Variants in THBS3 observed in about 807,000 individuals in gnomAD.
THBS3 encodes thrombospondin-3.
THBS3 carries 78 observed loss-of-function variants against 118.3 expected under a neutral mutation model. The ratio of observed to expected loss-of-function variants is 0.66; its 90% confidence interval spans 0.55 to 0.80. THBS3 has a LOEUF of 0.80. THBS3 is among the 30% of genes least tolerant of loss of function. The pLI is 0.00. For missense variants in THBS3, 1,057 were observed against 1,247.4 expected (o/e 0.85, Z 2.30); for synonymous variants, 427 against 475.3 (o/e 0.90, Z 1.32).
At chr1:155,199,962 C>T (rs1325246316) in intron 15 of THBS3, 33 bp downstream of exon 15, 3 of 1,605,434 alleles carry the variant, frequency 1.9e-6, no homozygotes, top group Non-Finnish European at 2.6e-6. Flanking sequence ...TCAGTACCCT[C>T]ATCCCTCCCC....
Position 155,203,109 on chromosome 1 carries a change from G to C in THBS3, c.785C>G (p.Thr262Ser). ...QVKEMSLIRN[T>S]IMECQVCGFH... Reference sequence around the variant, plus strand: ...ACCGCACACCTGACACTCCATAATGGTGTTTCGGATCAGGGACATTTCCTT... The same window carrying C: ...ACCGCACACCTGACACTCCATAATGCTGTTTCGGATCAGGGACATTTCCTT... The change falls in exon 7 of 23, where the codon ACC becomes AGC. Residue 262 changes from threonine (T) to serine (S), a missense_variant. Thr to Ser is a moderately conservative substitution (Grantham distance 58, BLOSUM62 1). Transcript: ENST00000368378. 1 of 1,614,228 alleles carries C rather than the reference G, an allele frequency of 6.2e-7. No individual in the cohort carries two copies. Among genetic ancestry groups the C allele is most frequent in the Non-Finnish European group, 8.5e-7 (1 of 1,180,038 alleles).
intron 1 of THBS3, among the ~76,000 whole-genome samples, chr1:155,207,243 G>A (rs1166100083): frequency 6.6e-6 from 1 of 152,222 alleles, no homozygotes; most frequent in African/African-American, 2.4e-5. Context: ...CCACGGGAAT[G>A]TAGGACCCAG....
intron 11 of THBS3, 60 bp downstream of exon 11, chr1:155,201,357 A>G (rs1669691545): frequency 6.4e-7 from 1 of 1,567,798 alleles, no homozygotes; most frequent in Non-Finnish European, 8.6e-7. Context: ...GGCCCTAAAC[A>G]TAGCCCTACT....
At position 155,206,188 on chromosome 1, in the gene THBS3, C is replaced by A. The variant is rs1256308946; in HGVS notation, c.286+12G>T. The A allele has an allele frequency of 6.2e-7, 1 of 1,613,042 alleles. No individual in the cohort carries two copies. Among genetic ancestry groups the A allele is most frequent in the Admixed American group, 1.7e-5 (1 of 60,006 alleles). On this transcript the variant is annotated intron_variant, in intron 2 of 22. Transcript: ENST00000368378. This position sits in a 1 kb window ranked among gnomAD's most constrained non-coding sequence, Gnocchi z 4.2. ...GGTCACCATTGCAAGAAAGGAGATG[C>A]CCACCAGTCACCTTTGTTGATCTTG...
chr1:155,200,814 GC>G, intron 13 of THBS3, 82 bp downstream of exon 13: 1 of 1,610,322 alleles, frequency 6.2e-7, no homozygotes, highest in Non-Finnish European at 8.5e-7. Context: ...TTACTAGAGA[GC>G]TGCCAGATGA....
intron 18 of THBS3, 27 bp downstream of exon 18, chr1:155,198,015 C>A (rs1399915956): frequency 1.2e-6 from 2 of 1,614,156 alleles, no homozygotes; most frequent in African/African-American, 1.3e-5. Flanking sequence ...TCTGATAGCA[C>A]CTGCCCAGCC....
Position 155,201,583 on chromosome 1 carries a change from G to C in THBS3, c.1177-14C>G, listed in dbSNP as rs1415358905. The C allele has an allele frequency of 1.2e-6, 2 of 1,611,768 alleles. No homozygotes were observed. The highest frequency in any genetic ancestry group is 1.7e-4 in the Middle Eastern group (1 of 6,058). ...CTTGAAAGAGCCCTAAGAGTGGAGAGGCAGCATCTTAGGAAGGAGGGTGAG... is the reference window on the plus strand; with the variant it reads ...CTTGAAAGAGCCCTAAGAGTGGAGACGCAGCATCTTAGGAAGGAGGGTGAG... On this transcript the variant is annotated splice_polypyrimidine_tract_variant and intron_variant, in intron 10 of 22. Transcript: ENST00000368378.
intron 10 of THBS3, 189 bp downstream of exon 10, chr1:155,201,768 G>T: frequency 9.8e-7 from 1 of 1,024,100 alleles, no homozygotes; most frequent in Non-Finnish European, 1.4e-6. Context: ...GCTCAGAAAA[G>T]TTAAATAACC....
Position 155,205,434 on chromosome 1 carries a change from T to C in THBS3, c.287-118A>G, listed in dbSNP as rs1433790482. 4 of 1,372,222 alleles carry C rather than the reference T, an allele frequency of 2.9e-6. No homozygotes were observed. The East Asian group carries it at 7.2e-5, about 25-fold the overall frequency. The allele number at this position is 1,372,222 out of a possible 1,614,324, so 85.0% of individuals were successfully genotyped here. ...AGGGCCCCTATCCCTAATTCTACTA[T>C]GTGGCTCTCAACACCTTGTATTTAA... On this transcript the variant is annotated intron_variant, in intron 2 of 22. Coordinates refer to ENST00000368378, the MANE Select transcript of THBS3 (RefSeq NM_007112.5).
rs1183624668 is a variant in THBS3, at chr1:155,197,886, C to G, written c.2296G>C (p.Ala766Pro). 1 of 1,614,106 alleles carries G rather than the reference C, an allele frequency of 6.2e-7. No homozygotes were observed. The highest frequency in any genetic ancestry group is 1.7e-5 in the Admixed American group (1 of 60,020). The change falls in exon 19 of 23, where the codon GCA becomes CCA. Residue 766 changes from alanine to proline, a missense_variant. Physicochemically the swap from Ala to Pro is conservative, Grantham distance 27. Around this residue, in one of 3 missense-constraint regions of THBS3, gnomAD observed 307 missense variants for 326.1 expected, o/e 0.94. Transcript: ENST00000368378. This position sits in a 1 kb window ranked among gnomAD's most constrained non-coding sequence, Gnocchi z 5.0. ...VQTMNSDPGL[A>P]VGYTAFNGVD... ...CTGCATATCCCTTACATACCAACTG[C>G]CAAGCCAGGGTCACTGTTCATGGTC...
intron 21 of THBS3, 43 bp downstream of exon 21, chr1:155,196,998 G>A (rs1237172943): frequency 6.3e-7 from 1 of 1,591,988 alleles, no homozygotes; most frequent in South Asian, 1.1e-5. Context: ...GGAAGGACAG[G>A]CCCGGCCTGA....
Position 155,200,932 on chromosome 1 carries a change from C to G in THBS3, c.1513G>C (p.Asp505His). 1 of 1,614,122 alleles carries G rather than the reference C, an allele frequency of 6.2e-7. No homozygotes were observed. Among genetic ancestry groups the G allele is most frequent in the Non-Finnish European group, 8.5e-7 (1 of 1,180,006 alleles). Residue 505 changes from aspartate (D) to histidine (H), a missense_variant, in exon 13 of 23, where the codon GAT (aspartate) becomes CAT (histidine). Physicochemically the swap from Asp to His is moderately conservative, Grantham distance 81. Coordinates refer to ENST00000368378, the MANE Select transcript of THBS3 (RefSeq NM_007112.5). ...TTGATCCCATCCCCATCAGCATCAT[C>G]ATCACACTGGTCCCCCACACCATCA... ...DNDGVGDQCD[D>H]DADGDGIKNV...
rs949725792 is a variant in THBS3, at chr1:155,202,602, C to T, written c.958-201G>A. Among the ~76,000 whole-genome samples the T allele has an allele frequency of 3.9e-5, 6 of 152,202 alleles. No individual in the cohort carries two copies. The highest frequency in any genetic ancestry group is 1.4e-4 in the African/African-American group (6 of 41,444). ...TGCCACTGGTCACCATCTCAAGCCTCCCCTGCAGTTTCCCCAGCTCCTTCC... is the reference window on the plus strand; with the variant it reads ...TGCCACTGGTCACCATCTCAAGCCTTCCCTGCAGTTTCCCCAGCTCCTTCC... On this transcript the variant is annotated intron_variant, in intron 8 of 22. Transcript: ENST00000368378. The surrounding 1 kb of genome is among the most constrained non-coding windows in gnomAD (Gnocchi z 5.5).
In THBS3 at chr1:155,197,570, A is replaced by ACTCTTC; in HGVS notation, c.2391_2392insGAAGAG (p.Ser797_Tyr798insGluGlu). On this transcript the variant is annotated inframe_insertion, in exon 20 of 23. Transcript: ENST00000368378. This position sits in a 1 kb window ranked among gnomAD's most constrained non-coding sequence, Gnocchi z 5.0. ...ACGTAGAAGCGGCCACTGTCTTGAT[A>ACTCTTC]ACTGAAGAGAAAGCCTGCGTAGTCA... is the stretch of plus-strand genomic sequence containing the variant. 6.2e-7 allele frequency: 1 copy of ACTCTTC among 1,614,044 alleles called. No individual in the cohort carries two copies. Among genetic ancestry groups the ACTCTTC allele is most frequent in the Non-Finnish European group, 8.5e-7 (1 of 1,180,002 alleles).
At chr1:155,195,949 G>GC (rs1414477595) in intron 22 of THBS3, 38 bp downstream of exon 22, 1 of 1,614,072 alleles carries the variant, frequency 6.2e-7, no homozygotes, top group Non-Finnish European at 8.5e-7. Context: ...CTCCCACAAG[G>GC]CATGAAGGAT....
intron 16 of THBS3, 134 bp downstream of exon 16, chr1:155,199,670 A>T: frequency 1.2e-6 from 1 of 844,052 alleles, no homozygotes; most frequent in Non-Finnish European, 1.9e-6. Flanking sequence ...CATGAGAATC[A>T]CTTGACCCTG....
At position 155,203,092 on chromosome 1, in the gene THBS3, C is replaced by A. The variant is rs1670032361; in HGVS notation, c.802G>T (p.Val268Leu). The part of the protein sequence containing the change: ...LIRNTIMECQ[V>L]CGFHEQRSHC... ...CCCCTGCTCTCCCACTCACCGCACA[C>A]CTGACACTCCATAATGGTGTTTCGG... The change falls in exon 7 of 23, where the codon GTG becomes TTG. Residue 268 changes from valine (V) to leucine (L), a missense_variant. Physicochemically the swap from Val to Leu is conservative, Grantham distance 32. Around this residue, in one of 3 missense-constraint regions of THBS3, gnomAD observed 544 missense variants for 715.6 expected, o/e 0.76. Transcript: ENST00000368378. 1 of 1,614,214 alleles carries A rather than the reference C, an allele frequency of 6.2e-7. No homozygotes were observed. The highest frequency in any genetic ancestry group is 2.2e-5 in the East Asian group (1 of 44,892).
In THBS3 at chr1:155,200,560, A is replaced by G. The variant is rs775786194; in HGVS notation, c.1599T>C (p.Asp533=). 27 of 1,614,008 alleles carry G rather than the reference A, an allele frequency of 1.7e-5. No individual in the cohort carries two copies. In the East Asian group the frequency reaches 5.6e-4, roughly 33 times the overall value. ...PNKDQQNSDT[D]SFGDACDNCP... The stretch of plus-strand genomic sequence containing the variant: ...AATTGTCACAGGCATCACCAAATGA[A>G]TCTGTATCTGAGTTCTGCTGGTCTT... Residue 533 remains aspartate, a synonymous_variant, in exon 14 of 23, where the codon GAT becomes GAC. Coordinates refer to ENST00000368378, the MANE Select transcript of THBS3 (RefSeq NM_007112.5).
At position 155,201,980 on chromosome 1, in the gene THBS3, T is replaced by C; in HGVS notation, c.1153A>G (p.Asn385Asp). ...NDGNNGGCDP[N>D]SICTNTVGSF... ...ACCACAGTGTTGGTGCAGATGGAGT[T>C]TGGGTCACAGCCACCATTGTTGCCA... The change falls in exon 10 of 23, where the codon AAC becomes GAC. Residue 385 changes from asparagine (N) to aspartate (D), a missense_variant. Physicochemically the swap from Asn to Asp is conservative, Grantham distance 23 (BLOSUM62 1). Coordinates refer to ENST00000368378, the MANE Select transcript of THBS3 (RefSeq NM_007112.5). The C allele has an allele frequency of 6.2e-7, 1 of 1,614,072 alleles. No homozygotes were observed. The highest frequency in any genetic ancestry group is 8.5e-7 in the Non-Finnish European group (1 of 1,180,012).
Sources: gnomAD v4.1 joint callset for allele counts (sites outside exome capture counted in the v4.1 genomes callset) on GRCh38, gnomAD v4.1.1 for gene constraint, gnomAD v4.1.1 regional missense constraint, Gnocchi (gnomAD v3.1) non-coding constraint, MANE v1.5 for transcripts, NCBI Gene and HGNC (gene_info 2026-07-23, HGNC 2026-07-21) for gene names.